DGKB: variants seen among roughly 807,000 people sequenced by gnomAD.
The protein encoded by DGKB is diacylglycerol kinase beta.
A neutral mutation model predicts 114.3 loss-of-function variants in DGKB; 67 were observed. The ratio of observed to expected loss-of-function variants is 0.59; its 90% CI spans 0.48 to 0.72. DGKB has a LOEUF of 0.72. DGKB is among the 30% of genes least tolerant of loss of function. The pLI is 0.00. For missense variants in DGKB, 907 were observed against 975.2 expected (o/e 0.93, Z 0.93); for synonymous variants, 398 against 323.1 (o/e 1.23, Z -2.49).
At chr7:14,568,821 G>A (rs1289277362) in intron 20 of DGKB, among the ~76,000 whole-genome samples, 1 of 152,188 alleles carries the variant, frequency 6.6e-6, no homozygotes, top group African/African-American at 2.4e-5. Context: ...CTAGCTGTCA[G>A]TAAATAAGGG....
intron 1 of DGKB, among the ~76,000 whole-genome samples, chr7:14,843,841 T>C (rs545792542): frequency 1.4e-5 from 2 of 142,408 alleles, no homozygotes; most frequent in African/African-American, 5.3e-5. Context: ...ATTCCAACAA[T>C]GTGTCAGCTT....
intron 23 of DGKB, among the ~76,000 whole-genome samples, chr7:14,299,274 A>G (rs1038904432): frequency 2.0e-5 from 3 of 152,180 alleles, no homozygotes; most frequent in African/African-American, 7.2e-5. Context: ...CAGGTTGTCT[A>G]TAATGTATAG....
intron 13 of DGKB, among the ~76,000 whole-genome samples, chr7:14,654,848 C>T (rs1024455672): frequency 1.3e-5 from 2 of 151,842 alleles, no homozygotes; most frequent in African/African-American, 4.8e-5. Context: ...AAAACCAGAT[C>T]CCCATCTTTC....
chr7:14,335,818 A>G (rs62444569), intron 23 of DGKB, among the ~76,000 whole-genome samples: 9,258 of 152,130 alleles, frequency 0.061, 543 homozygotes, highest in East Asian at 0.29. Context: ...CAGTGGCGCA[A>G]TCATAGCTCA....
chr7:14,240,788 G>A (rs1486448078), intron 23 of DGKB, among the ~76,000 whole-genome samples: 1 of 152,120 alleles, frequency 6.6e-6, no homozygotes, highest in Non-Finnish European at 1.5e-5. Flanking sequence ...AATAAGCTGA[G>A]TGACAGTAAA....
intron 25 of DGKB, among the ~76,000 whole-genome samples, chr7:14,169,994 T>C (rs1443355936): frequency 2.6e-5 from 4 of 150,986 alleles, no homozygotes; most frequent in Admixed American, 6.6e-5. Flanking sequence ...ATTAGCCAGG[T>C]GTGGTGGCAC....
At chr7:14,354,608 C>G (rs924521530) in intron 21 of DGKB, among the ~76,000 whole-genome samples, 1 of 152,036 alleles carries the variant, frequency 6.6e-6, no homozygotes, top group Non-Finnish European at 1.5e-5. Flanking sequence ...AGAAGATACA[C>G]AAGATGGTAT....
At chr7:14,760,103 G>A (rs528011242) in intron 2 of DGKB, among the ~76,000 whole-genome samples, 65 of 152,136 alleles carry the variant, frequency 4.3e-4, no homozygotes, top group South Asian at 2.7e-3. Flanking sequence ...TTAATTGGAC[G>A]GTTTGTCTTT....
chr7:14,237,376 C>G (rs1199648139), intron 23 of DGKB, among the ~76,000 whole-genome samples: 1 of 151,722 alleles, frequency 6.6e-6, no homozygotes, highest in Admixed American at 6.6e-5. Context: ...TGACTTCCTT[C>G]TGGTTTGTGT....
intron 20 of DGKB, among the ~76,000 whole-genome samples, chr7:14,539,182 G>A (rs1793012795): frequency 6.6e-6 from 1 of 152,080 alleles, no homozygotes; most frequent in Non-Finnish European, 1.5e-5. Flanking sequence ...AGGGACACCA[G>A]GGAACTTTTG....
chr7:14,396,030 C>T (rs974209959), intron 21 of DGKB, among the ~76,000 whole-genome samples: 5 of 151,888 alleles, frequency 3.3e-5, no homozygotes, highest in Non-Finnish European at 5.9e-5. Flanking sequence ...ATTGTTTAGT[C>T]TTCTAGACTG....
In DGKB at chr7:14,147,565, A is replaced by C. The variant is rs533076867; in HGVS notation, c.*1566T>G. 1 of 152,364 alleles carries C rather than the reference A, an allele frequency of 6.6e-6. No individual in the cohort carries two copies. The highest frequency in any genetic ancestry group is 1.5e-5 in the Non-Finnish European group (1 of 67,986). 9.4% of individuals were successfully genotyped at this position (152,364 alleles called of 1,614,324 possible). On this transcript the variant is annotated 3_prime_UTR_variant, in exon 26 of 26. Coordinates refer to ENST00000402815, the MANE Select transcript of DGKB (RefSeq NM_001350709.2). ...GGATTGTGTTCAACAGAATCACTAA[A>C]TGCTATTTGTTATTCAAAGAAAGAT...
At chr7:14,690,424 G>A (rs865782542) in intron 9 of DGKB, among the ~76,000 whole-genome samples, 1 of 152,164 alleles carries the variant, frequency 6.6e-6, no homozygotes, top group African/African-American at 2.4e-5. Flanking sequence ...GTGGTTGTCC[G>A]ATTGTGCCAA....
At chr7:14,825,016 G>GTGTATATATATATATATATA (rs1480765381) in intron 2 of DGKB, among the ~76,000 whole-genome samples, 1 of 92,382 alleles carries the variant, frequency 1.1e-5, no homozygotes, top group African/African-American at 3.4e-5. Flanking sequence ...GTATGTGTAT[G>GTGTATATATATATATATATA]TATATATATA....
At chr7:14,253,539 T>C (rs1325556350) in intron 23 of DGKB, among the ~76,000 whole-genome samples, 4 of 152,186 alleles carry the variant, frequency 2.6e-5, no homozygotes, top group African/African-American at 9.6e-5. Context: ...ACATCTGAAA[T>C]AACTACAGCT....
intron 2 of DGKB, among the ~76,000 whole-genome samples, chr7:14,792,040 T>C (rs537681341): frequency 1.3e-5 from 2 of 152,244 alleles, no homozygotes; most frequent in Admixed American, 6.5e-5. Context: ...AGAATTGGTA[T>C]TAATTCTTCT....
chr7:14,231,028 T>C lies in DGKB; in HGVS notation c.2123-52877A>G, dbSNP rs188641840. On this transcript the variant is annotated intron_variant, in intron 23 of 25. Transcript: ENST00000402815. ...GGCTAAGTCCCTAAGTCTCTGTTGTTCATTGTTGGCTGACGAATTGTATTA... is the reference window on the plus strand; with the variant it reads ...GGCTAAGTCCCTAAGTCTCTGTTGTCCATTGTTGGCTGACGAATTGTATTA... 1.0e-3 allele frequency among the ~76,000 whole-genome samples: 156 copies of C among 152,240 alleles called. 1 individual carries two copies. Among genetic ancestry groups the C allele is most frequent in the African/African-American group, 3.4e-3 (140 of 41,574 alleles).
chr7:14,740,085 C>G (rs1036463046), intron 4 of DGKB, among the ~76,000 whole-genome samples: 1 of 152,248 alleles, frequency 6.6e-6, no homozygotes, highest in Non-Finnish European at 1.5e-5. Context: ...CCCGTGCAGA[C>G]AGCTGGCCAG....
At chr7:14,373,988 A>T (rs1818090443) in intron 21 of DGKB, among the ~76,000 whole-genome samples, 1 of 152,000 alleles carries the variant, frequency 6.6e-6, no homozygotes, top group South Asian at 2.1e-4. Flanking sequence ...TCCTCTGCTG[A>T]GGTCCCCTTG....
Sources: gnomAD v4.1 joint callset for allele counts (sites outside exome capture counted in the v4.1 genomes callset) on GRCh38, gnomAD v4.1.1 for gene constraint, MANE v1.5 for transcripts, NCBI Gene and HGNC (gene_info 2026-07-23, HGNC 2026-07-21) for gene names.